SPECC1: variants seen among roughly 807,000 people sequenced by gnomAD.
SPECC1 encodes sperm antigen with calponin homology and coiled-coil domains 1.
SPECC1 carries 62 observed loss-of-function variants against 104.1 expected under a neutral mutation model. The ratio of observed to expected loss-of-function variants is 0.60; its 90% CI spans 0.49 to 0.74. The LOEUF (loss-of-function observed/expected upper bound fraction) is 0.74, where lower values mean the gene tolerates loss of function less well. Among genes scored for constraint, SPECC1 ranks in the 30% least tolerant of loss-of-function variants. The probability of loss-of-function intolerance (pLI) is 0.00; values close to 1 mark genes in which losing one functional copy is unlikely to be tolerated. For synonymous variants in SPECC1, 513 were observed against 501.6 expected (o/e 1.02, Z -0.30); for missense variants, 1,306 against 1,310.5 (o/e 1.00, Z 0.05).
At chr17:20,055,887 A>G (rs1345013119) in intron 1 of SPECC1, among the ~76,000 whole-genome samples, 1 of 152,144 alleles carries the variant, frequency 6.6e-6, no homozygotes, top group African/African-American at 2.4e-5. Flanking sequence ...CAGCTGTTTC[A>G]GTGCCTCTCT....
intron 1 of SPECC1, among the ~76,000 whole-genome samples, chr17:20,069,101 C>T (rs931949262): frequency 7.2e-5 from 11 of 152,196 alleles, no homozygotes; most frequent in South Asian, 6.2e-4. Context: ...ACCTTTTCTG[C>T]TCCCTCCTCC....
intron 8 of SPECC1, 38 bp downstream of exon 8, chr17:20,246,109 T>C (rs1440005897): frequency 6.2e-7 from 1 of 1,608,838 alleles, no homozygotes; most frequent in Non-Finnish European, 8.5e-7. Context: ...AGCTCCAAAT[T>C]CAAACTTTGG....
At chr17:20,229,244 C>T (rs564438364) in intron 5 of SPECC1, among the ~76,000 whole-genome samples, 26 of 152,230 alleles carry the variant, frequency 1.7e-4, no homozygotes, top group African/African-American at 6.0e-4. Flanking sequence ...GAGTGCAGTG[C>T]TGTCCACTGT....
chr17:20,159,761 A>G (rs763462001), intron 3 of SPECC1, among the ~76,000 whole-genome samples: 5 of 152,250 alleles, frequency 3.3e-5, no homozygotes, highest in African/African-American at 4.8e-5. Context: ...GGGCAGAGAA[A>G]GTTGGTGACC....
At chr17:20,274,445 T>C (rs2040507419) in intron 12 of SPECC1, among the ~76,000 whole-genome samples, 1 of 152,156 alleles carries the variant, frequency 6.6e-6, no homozygotes, top group African/African-American at 2.4e-5. Flanking sequence ...TGATTATACT[T>C]GTTGGTTTTC....
chr17:20,035,917 G>A (rs1009020664), intron 1 of SPECC1, among the ~76,000 whole-genome samples: 7 of 150,226 alleles, frequency 4.7e-5, no homozygotes, highest in Admixed American at 3.3e-4. Flanking sequence ...CTCTGCCTCC[G>A]GGTTCAAGTG....
rs770592914 is a variant in SPECC1, at chr17:20,202,364, G to A, written c.284-1969G>A. Among the ~76,000 whole-genome samples, 7 of 152,146 alleles carry A rather than the reference G, an allele frequency of 4.6e-5. No homozygotes were observed. In the South Asian group the frequency reaches 1.5e-3, roughly 32 times the overall value. On this transcript the variant is annotated intron_variant, in intron 3 of 14. Transcript: ENST00000395527. ...TCTTGAGTATGTTTTGTTGTGTTTA[G>A]TGCAGTACCACAAACCTTGAATAAC...
At chr17:20,310,507 C>T (rs745722732) in intron 14 of SPECC1, among the ~76,000 whole-genome samples, 7 of 152,182 alleles carry the variant, frequency 4.6e-5, no homozygotes, top group Non-Finnish European at 1.5e-5. Flanking sequence ...TTCTCAGCCA[C>T]CGTGTAAGGA....
At chr17:20,252,582 A>G (rs1052906530) in intron 9 of SPECC1, among the ~76,000 whole-genome samples, 1 of 152,044 alleles carries the variant, frequency 6.6e-6, no homozygotes, top group Non-Finnish European at 1.5e-5. Context: ...GATTTTGACT[A>G]CTTTAGATTC....
intron 1 of SPECC1, among the ~76,000 whole-genome samples, chr17:20,061,214 G>A (rs1362485304): frequency 6.6e-6 from 1 of 152,192 alleles, no homozygotes; most frequent in Admixed American, 6.5e-5. Context: ...TGGGATTACA[G>A]GTGCCCGCCA....
intron 1 of SPECC1, among the ~76,000 whole-genome samples, chr17:20,089,434 C>T (rs2047312357): frequency 6.6e-6 from 1 of 151,472 alleles, no homozygotes; most frequent in South Asian, 2.1e-4. Flanking sequence ...TGAGACCAGC[C>T]TAGGCAACAA....
At chr17:20,205,940 T>C (rs748919761) in intron 4 of SPECC1, 28 bp downstream of exon 4, 24 of 1,580,748 alleles carry the variant, frequency 1.5e-5, no homozygotes, top group Non-Finnish European at 2.1e-5. Flanking sequence ...TTTACTGGTA[T>C]TTGCTCATCC....
chr17:20,133,741 A>G (rs2049777840), intron 3 of SPECC1, among the ~76,000 whole-genome samples: 4 of 152,232 alleles, frequency 2.6e-5, no homozygotes, highest in African/African-American at 4.8e-5. Context: ...GGCAAAGTGT[A>G]AGAATGTATT....
chr17:20,157,026 A>G (rs1194495770), intron 3 of SPECC1, among the ~76,000 whole-genome samples: 1 of 151,958 alleles, frequency 6.6e-6, no homozygotes, highest in Non-Finnish European at 1.5e-5. Context: ...TCTGTGGGAG[A>G]GTCAGAACTG....
chr17:20,029,818 T>G (rs1050061581), intron 1 of SPECC1, among the ~76,000 whole-genome samples: 1 of 152,212 alleles, frequency 6.6e-6, no homozygotes, highest in Non-Finnish European at 1.5e-5. Context: ...AGTTAAAAGG[T>G]TTGTTAACTT....
At chr17:20,028,464 A>C (rs762175489) in intron 1 of SPECC1, among the ~76,000 whole-genome samples, 1 of 151,824 alleles carries the variant, frequency 6.6e-6, no homozygotes, top group Non-Finnish European at 1.5e-5. Context: ...GTGAGATTCT[A>C]TCTCTACAAA....
At position 20,049,354 on chromosome 17, in the gene SPECC1, A is replaced by T. The variant is rs565898494; in HGVS notation, c.-22+39930A>T. Among the ~76,000 whole-genome samples, 8 of 152,220 alleles carry T rather than the reference A, an allele frequency of 5.3e-5. No homozygotes were observed. The South Asian group carries it at 1.7e-3, about 32-fold the overall frequency. On this transcript the variant is annotated intron_variant, in intron 1 of 14. Coordinates refer to ENST00000395527, the MANE Select transcript of SPECC1 (RefSeq NM_001243439.2). ...GGTGGGGCACACCTGTAGTCCTGGT[A>T]CTATCATTTGAGCCCAGGAGTTTGA...
chr17:20,115,309 C>T (rs2048700779), intron 3 of SPECC1, among the ~76,000 whole-genome samples: 2 of 152,096 alleles, frequency 1.3e-5, no homozygotes, highest in Admixed American at 1.3e-4. Context: ...CCCATCTCTA[C>T]TAAAAATACA....
At chr17:20,056,509 C>T in intron 1 of SPECC1, 1 of 216,208 alleles carries the variant, frequency 4.6e-6, no homozygotes, top group Non-Finnish European at 1.0e-5. Flanking sequence ...GATTGTGCTT[C>T]AAGGGATTAG....
Sources: gnomAD v4.1 joint callset for allele counts (sites outside exome capture counted in the v4.1 genomes callset) on GRCh38, gnomAD v4.1.1 for gene constraint, MANE v1.5 for transcripts, NCBI Gene and HGNC (gene_info 2026-07-23, HGNC 2026-07-21) for gene names.